Variants in ANKRD17 observed in about 807,000 individuals in gnomAD.
The protein encoded by ANKRD17 is ankyrin repeat domain-containing protein 17.
A neutral mutation model predicts 229.7 loss-of-function variants in ANKRD17; 19 were observed. The ratio of observed to expected loss-of-function variants is 0.08; its 90% CI spans 0.06 to 0.12. The LOEUF is 0.12. Ranked by LOEUF, ANKRD17 falls within the 10% of genes least tolerant of loss-of-function variation. The pLI, the probability that ANKRD17 is intolerant of heterozygous loss-of-function variation, is 1.00. For missense variants in ANKRD17, 2,176 were observed against 3,176.8 expected (o/e 0.68, Z 7.57); for synonymous variants, 1,112 against 1,146.1 (o/e 0.97, Z 0.60).
chr4:73,179,520 T>TATATATA (rs1560666346), intron 1 of ANKRD17, among the ~76,000 whole-genome samples: 12 of 50,982 alleles, frequency 2.4e-4, no homozygotes, highest in African/African-American at 8.0e-4. Context: ...ATATATATAT[T>TATATATA]TTTTTTTTTT....
At chr4:73,230,678 T>C (rs1742958448) in intron 1 of ANKRD17, among the ~76,000 whole-genome samples, 1 of 152,236 alleles carries the variant, frequency 6.6e-6, no homozygotes, top group Non-Finnish European at 1.5e-5. Flanking sequence ...TTATATTAGA[T>C]ACAAAACGCT....
rs770929951 is a variant in ANKRD17, at chr4:73,156,003, TTTTGA to T, written c.852+11_852+15del. ...TTAAAAAAACAACAAATAAGCTTTATTTTGATAATACGAACCTGTGCAAGCTCATA... is the reference window on the plus strand; with the variant it reads ...TTAAAAAAACAACAAATAAGCTTTATTAATACGAACCTGTGCAAGCTCATA... On this transcript the variant is annotated intron_variant, in intron 4 of 33. Transcript: ENST00000358602. The T allele has an allele frequency of 9.6e-6, 15 of 1,559,116 alleles. No homozygotes were observed. Among genetic ancestry groups the T allele is most frequent in the African/African-American group, 1.4e-5 (1 of 72,108 alleles).
At chr4:73,225,284 C>CGT (rs1227468741) in intron 1 of ANKRD17, among the ~76,000 whole-genome samples, 1 of 152,140 alleles carries the variant, frequency 6.6e-6, no homozygotes, top group Non-Finnish European at 1.5e-5. Flanking sequence ...GTTCAAGGAA[C>CGT]GTATGCTGGA....
At chr4:73,183,574 C>T (rs922708188) in intron 1 of ANKRD17, among the ~76,000 whole-genome samples, 1 of 152,092 alleles carries the variant, frequency 6.6e-6, no homozygotes, top group Non-Finnish European at 1.5e-5. Flanking sequence ...CCCACCTCAG[C>T]CTCCTTCTCT....
chr4:73,107,522 G>A (rs990728875), intron 24 of ANKRD17, among the ~76,000 whole-genome samples: 3 of 152,184 alleles, frequency 2.0e-5, no homozygotes, highest in Non-Finnish European at 2.9e-5. Context: ...ATGTAAAAAA[G>A]GGGAAAAGAG....
At chr4:73,082,085 G>A (rs979080002) in intron 30 of ANKRD17, among the ~76,000 whole-genome samples, 14 of 150,594 alleles carry the variant, frequency 9.3e-5, no homozygotes, top group African/African-American at 3.4e-4. Context: ...AGAAGGTGGA[G>A]GTTACAGTGA....
chr4:73,144,114 T>G (rs1729940076), intron 11 of ANKRD17, among the ~76,000 whole-genome samples: 1 of 152,202 alleles, frequency 6.6e-6, no homozygotes, highest in African/African-American at 2.4e-5. Flanking sequence ...TGATGAACTC[T>G]GAATTGAAAA....
chr4:73,121,508 A>G (rs1443959989), intron 19 of ANKRD17, 109 bp downstream of exon 19: 1 of 1,362,092 alleles, frequency 7.3e-7, no homozygotes, highest in African/African-American at 1.5e-5. Context: ...TGAATGCCAA[A>G]TTTGTAATAA....
chr4:73,167,649 C>G (rs1338600413), intron 2 of ANKRD17, among the ~76,000 whole-genome samples: 2 of 152,194 alleles, frequency 1.3e-5, no homozygotes, highest in Non-Finnish European at 2.9e-5. Context: ...CTGCATTTCT[C>G]TCTCATAAAC....
intron 24 of ANKRD17, chr4:73,113,380 T>C: frequency 7.8e-7 from 1 of 1,289,988 alleles, no homozygotes; most frequent in Non-Finnish European, 1.0e-6. Flanking sequence ...CCAAGATTTG[T>C]ATTTCACTAG....
At chr4:73,187,233 A>C (rs1736421659) in intron 1 of ANKRD17, among the ~76,000 whole-genome samples, 1 of 152,236 alleles carries the variant, frequency 6.6e-6, no homozygotes, top group Non-Finnish European at 1.5e-5. Context: ...TGAAATTTAA[A>C]AGCCACAAAC....
At chr4:73,194,154 G>T (rs1316810591) in intron 1 of ANKRD17, among the ~76,000 whole-genome samples, 1 of 152,000 alleles carries the variant, frequency 6.6e-6, no homozygotes, top group Non-Finnish European at 1.5e-5. Context: ...TTATGTTTGT[G>T]GTTTTTTGCC....
chr4:73,134,630 A>G (rs1257172395), intron 16 of ANKRD17, among the ~76,000 whole-genome samples: 1 of 152,198 alleles, frequency 6.6e-6, no homozygotes, highest in Non-Finnish European at 1.5e-5. Context: ...AATCCCGTAC[A>G]GCTAAATTTT....
chr4:73,077,408 C>T lies in ANKRD17; in HGVS notation c.7534G>A (p.Gly2512Ser). 3 of 1,613,642 alleles carry T rather than the reference C, an allele frequency of 1.9e-6. No homozygotes were observed. The highest frequency in any genetic ancestry group is 2.5e-6 in the Non-Finnish European group (3 of 1,179,850). ...GCAGGAACATGCTGATGGAATGTACCAGAAGGAGTTACAATTCCTGTACTA... is the reference window on the plus strand; with the variant it reads ...GCAGGAACATGCTGATGGAATGTACTAGAAGGAGTTACAATTCCTGTACTA... ...RDSTGIVTPS[G>S]TFHQHVPAGY... The change falls in exon 32 of 34, where the codon GGT becomes AGT. Residue 2512 changes from glycine (G) to serine (S), a missense_variant. Gly to Ser is a moderately conservative substitution (Grantham distance 56, BLOSUM62 0). Transcript: ENST00000358602.
At chr4:73,243,890 C>T (rs1330725754) in intron 1 of ANKRD17, among the ~76,000 whole-genome samples, 1 of 152,134 alleles carries the variant, frequency 6.6e-6, no homozygotes, top group East Asian at 1.9e-4. Flanking sequence ...CTTATTTCTC[C>T]AGTATTAGTT....
rs189676603 is a variant in ANKRD17, at chr4:73,219,732, G to A, written c.393+38544C>T. Among the ~76,000 whole-genome samples the A allele has an allele frequency of 2.7e-3, 416 of 152,236 alleles. 2 individuals are homozygous for A. Among genetic ancestry groups the A allele is most frequent in the African/African-American group, 9.4e-3 (391 of 41,532 alleles). On this transcript the variant is annotated intron_variant, in intron 1 of 33. Coordinates refer to ENST00000358602, the MANE Select transcript of ANKRD17 (RefSeq NM_032217.5). Reference sequence around the variant, plus strand: ...TATAACATCAAGTACAGATGAAGCTGGACATCCTGGCTTTAGATGACAAAA... The same window carrying A: ...TATAACATCAAGTACAGATGAAGCTAGACATCCTGGCTTTAGATGACAAAA...
chr4:73,116,196 T>C (rs1441891826), intron 22 of ANKRD17, among the ~76,000 whole-genome samples: 1 of 147,482 alleles, frequency 6.8e-6, no homozygotes, highest in Admixed American at 6.9e-5. Context: ...ATACAAAGAG[T>C]AGGGGATATG....
intron 16 of ANKRD17, among the ~76,000 whole-genome samples, chr4:73,134,072 T>A (rs1167451031): frequency 6.6e-6 from 1 of 151,966 alleles, no homozygotes; most frequent in African/African-American, 2.4e-5. Flanking sequence ...ACAACAAAAG[T>A]CAGTACATAA....
At chr4:73,175,907 T>G (rs1734671850) in intron 2 of ANKRD17, among the ~76,000 whole-genome samples, 1 of 152,018 alleles carries the variant, frequency 6.6e-6, no homozygotes, top group African/African-American at 2.4e-5. Context: ...AAAGATTTCT[T>G]GAGTAATACC....
Sources: gnomAD v4.1 joint callset for allele counts (sites outside exome capture counted in the v4.1 genomes callset) on GRCh38, gnomAD v4.1.1 for gene constraint, MANE v1.5 for transcripts, NCBI Gene and HGNC (gene_info 2026-07-23, HGNC 2026-07-21) for gene names.